Variants in UCHL3 observed in about 807,000 individuals in gnomAD.
The protein encoded by UCHL3 is ubiquitin C-terminal hydrolase L3, also known as ubiquitin carboxyl-terminal hydrolase isozyme L3.
Under a neutral mutation model 35.8 loss-of-function variants are expected in UCHL3, and 22 were observed. The observed-to-expected ratio is 0.61, with a 90% confidence interval of 0.44 to 0.88. UCHL3 has a LOEUF of 0.88. Ranked by LOEUF, UCHL3 falls within the 40% of genes least tolerant of loss-of-function variation. The pLI is 0.00. For missense variants in UCHL3, 229 were observed against 276.9 expected, an observed-to-expected ratio of 0.83 and a Z score of 1.23; for synonymous variants, 90 against 92.8, an observed-to-expected ratio of 0.97 and a Z score of 0.17.
chr13:75,603,457 C>T (rs775734642), intron 7 of UCHL3, among the ~76,000 whole-genome samples: 8 of 151,704 alleles, frequency 5.3e-5, no homozygotes, highest in African/African-American at 7.3e-5. Flanking sequence ...TAAGTGAGGC[C>T]CTGTCTCTAA....
intron 6 of UCHL3, among the ~76,000 whole-genome samples, chr13:75,579,768 T>G (rs1433973787): frequency 6.6e-6 from 1 of 152,204 alleles, no homozygotes; most frequent in East Asian, 1.9e-4. Context: ...TTGGTGATGG[T>G]GAAAGTTTTC....
At chr13:75,604,915 G>A (rs1394590365) in intron 8 of UCHL3, 88 bp downstream of exon 8, 4 of 1,130,948 alleles carry the variant, frequency 3.5e-6, no homozygotes, top group Non-Finnish European at 4.9e-6. Flanking sequence ...CATTTTCTTT[G>A]TATTTGGATA....
At chr13:75,566,382 T>A (rs1229866810) in intron 3 of UCHL3, among the ~76,000 whole-genome samples, 1 of 152,212 alleles carries the variant, frequency 6.6e-6, no homozygotes, top group Non-Finnish European at 1.5e-5. Flanking sequence ...ACAAAGGAAA[T>A]TGCTTATTGG....
At chr13:75,549,536 T>G, upstream of UCHL3, 1 of 416,210 alleles carries the variant, frequency 2.4e-6, no homozygotes, top group East Asian at 3.7e-5. Flanking sequence ...AGTCCAAGCG[T>G]GAGGGGAGAG....
rs1402224322 is a variant in UCHL3 at position 75,564,718 on chromosome 13, CAG to C, written c.184-1974_184-1973del. Among the ~76,000 whole-genome samples the C allele has an allele frequency of 2.6e-5, 4 of 151,726 alleles. No individual in the cohort carries two copies. The South Asian group carries it at 6.3e-4, about 24-fold the overall frequency. On this transcript the variant is annotated intron_variant, in intron 3 of 8. Transcript: ENST00000377595. ...TGTGTTGTTATCATTTGTTTTGAGACAGAGTCTTGCTCTGTTGCCCAGGCTGT... is the reference window on the plus strand; with the variant it reads ...TGTGTTGTTATCATTTGTTTTGAGACAGTCTTGCTCTGTTGCCCAGGCTGT...
chr13:75,585,136 A>G (rs1472064785), intron 6 of UCHL3, among the ~76,000 whole-genome samples: 1 of 152,128 alleles, frequency 6.6e-6, no homozygotes, highest in African/African-American at 2.4e-5. Flanking sequence ...TCCAAAAATA[A>G]TTACAGACAT....
intron 2 of UCHL3, among the ~76,000 whole-genome samples, chr13:75,551,631 T>C (rs998490462): frequency 6.6e-6 from 1 of 152,212 alleles, no homozygotes; most frequent in African/African-American, 2.4e-5. Context: ...CAGTTTATCC[T>C]GGTGTTGCAA....
intron 6 of UCHL3, among the ~76,000 whole-genome samples, chr13:75,579,103 T>C (rs1242566794): frequency 6.6e-6 from 1 of 152,168 alleles, no homozygotes; most frequent in African/African-American, 2.4e-5. Flanking sequence ...CAAAAATGAT[T>C]TACGCACAAA....
In UCHL3 at chr13:75,605,878, A is replaced by T; in HGVS notation, c.*66A>T. 1 of 1,485,188 alleles carries T rather than the reference A, an allele frequency of 6.7e-7. No individual in the cohort carries two copies. Among genetic ancestry groups the T allele is most frequent in the Non-Finnish European group, 9.3e-7 (1 of 1,074,680 alleles). The allele number at this position is 1,485,188 out of a possible 1,614,324, so 92.0% of individuals were successfully genotyped here. ...ACTAAATTTTCTCTGCCATACACTA[A>T]CTCAAAAATTTTGATATTTTCATTA... On this transcript the variant is annotated 3_prime_UTR_variant, in exon 9 of 9. Coordinates refer to ENST00000377595, the MANE Select transcript of UCHL3 (RefSeq NM_006002.5).
intron 7 of UCHL3, among the ~76,000 whole-genome samples, chr13:75,598,103 A>C (rs896449697): frequency 4.6e-5 from 7 of 152,342 alleles, no homozygotes; most frequent in Non-Finnish European, 1.0e-4. Flanking sequence ...ATTATTGTCT[A>C]CCTGAAGTAA....
chr13:75,585,035 A>G (rs1206538371), intron 6 of UCHL3, among the ~76,000 whole-genome samples: 1 of 151,910 alleles, frequency 6.6e-6, no homozygotes, highest in Non-Finnish European at 1.5e-5. Flanking sequence ...CCAGAAGGAG[A>G]AGAGAGATGG....
At chr13:75,582,983 T>A (rs572159675) in intron 6 of UCHL3, among the ~76,000 whole-genome samples, 1 of 152,342 alleles carries the variant, frequency 6.6e-6, no homozygotes, top group South Asian at 2.1e-4. Context: ...TACACTGTTA[T>A]GTCTATATTA....
At chr13:75,579,108 C>G (rs377292343) in intron 6 of UCHL3, among the ~76,000 whole-genome samples, 6 of 152,070 alleles carry the variant, frequency 3.9e-5, no homozygotes, top group East Asian at 3.8e-4. Context: ...ATGATTTACG[C>G]ACAAATTGAG....
In UCHL3 at chr13:75,605,720, C is replaced by CCATAG; in HGVS notation, c.610-8_610-7insATAGC. The CCATAG allele has an allele frequency of 6.3e-7, 1 of 1,591,562 alleles. No individual in the cohort carries two copies. Among genetic ancestry groups the CCATAG allele is most frequent in the Non-Finnish European group, 8.5e-7 (1 of 1,172,366 alleles). ...ACTGAAAAATCATACTTTTTTTTTTCCTCCATAGGATGCCATAGAAGTTTG... is the reference window on the plus strand; with the variant it reads ...ACTGAAAAATCATACTTTTTTTTTTCCATAGCTCCATAGGATGCCATAGAAGTTTG... On this transcript the variant is annotated splice_polypyrimidine_tract_variant and intron_variant, in intron 8 of 8. Coordinates refer to ENST00000377595, the MANE Select transcript of UCHL3 (RefSeq NM_006002.5).
In UCHL3 at chr13:75,563,229, G is replaced by A. The variant is rs574003187; in HGVS notation, c.183+2348G>A. ...CTCACTCTGTCGCCCAATCTGGAGT[G>A]CAGTGGTGCGATCTCAGTTCATTGC... On this transcript the variant is annotated intron_variant, in intron 3 of 8. Transcript: ENST00000377595. Among the ~76,000 whole-genome samples, 305 of 152,294 alleles carry A rather than the reference G, an allele frequency of 2.0e-3. 1 individual carries two copies. Among genetic ancestry groups the A allele is most frequent in the Non-Finnish European group, 3.0e-3 (204 of 68,028 alleles).
At chr13:75,585,557 C>T (rs1229448991) in intron 6 of UCHL3, among the ~76,000 whole-genome samples, 1 of 151,950 alleles carries the variant, frequency 6.6e-6, no homozygotes, top group Non-Finnish European at 1.5e-5. Context: ...CAGACAGAAA[C>T]TTGGAGCTAT....
intron 6 of UCHL3, among the ~76,000 whole-genome samples, chr13:75,591,322 G>A (rs2032472870): frequency 6.6e-6 from 1 of 151,956 alleles, no homozygotes; most frequent in African/African-American, 2.4e-5. Flanking sequence ...TATCCTCATT[G>A]GGTCACGACA....
intron 6 of UCHL3, among the ~76,000 whole-genome samples, chr13:75,570,147 C>A (rs2031807946): frequency 6.6e-6 from 1 of 152,142 alleles, no homozygotes; most frequent in African/African-American, 2.4e-5. Context: ...TTAACTAAAG[C>A]TGTTTGGTAT....
At chr13:75,597,326 A>C (rs2032668338) in intron 7 of UCHL3, among the ~76,000 whole-genome samples, 1 of 152,068 alleles carries the variant, frequency 6.6e-6, no homozygotes, top group Non-Finnish European at 1.5e-5. Flanking sequence ...ACCTGTGAAC[A>C]GCCACTACAC....
Sources: gnomAD v4.1 joint callset for allele counts (sites outside exome capture counted in the v4.1 genomes callset) on GRCh38, gnomAD v4.1.1 for gene constraint, MANE v1.5 for transcripts, NCBI Gene and HGNC (gene_info 2026-07-23, HGNC 2026-07-21) for gene names.